Variants in INPP4B observed in about 807,000 individuals in gnomAD.
The protein encoded by INPP4B is inositol polyphosphate-4-phosphatase type II B.
Under a neutral mutation model 122.5 loss-of-function variants are expected in INPP4B, and 55 were observed. The observed-to-expected ratio is 0.45, with a 90% CI of 0.36 to 0.56. The LOEUF (loss-of-function observed/expected upper bound fraction) is 0.56. Among genes scored for constraint, INPP4B ranks in the 20% least tolerant of loss-of-function variants. The probability of loss-of-function intolerance (pLI) is 0.00; values close to 1 mark genes in which losing one functional copy is unlikely to be tolerated. For synonymous variants in INPP4B, 403 were observed against 388.7 expected, an observed-to-expected ratio of 1.04 and a Z score of -0.43; for missense variants, 1,000 against 1,097.7, an observed-to-expected ratio of 0.91 and a Z score of 1.26.
intron 23 of INPP4B, among the ~76,000 whole-genome samples, chr4:142,101,186 C>T (rs1784310299): frequency 1.3e-5 from 2 of 152,074 alleles, no homozygotes; most frequent in South Asian, 2.1e-4. Context: ...AAATTTGTGG[C>T]AGCAATGAAC....
intron 3 of INPP4B, among the ~76,000 whole-genome samples, chr4:142,446,136 TA>T (rs56825479): frequency 0.013 from 1,875 of 146,674 alleles, 36 homozygotes; most frequent in African/African-American, 0.047. Flanking sequence ...ACAAGCAGGA[TA>T]AAAAAAATGT....
chr4:142,617,044 A>T lies in INPP4B; in HGVS notation c.-191+108795T>A, dbSNP rs534787122. Among the ~76,000 whole-genome samples the T allele has an allele frequency of 6.2e-4, 95 of 152,250 alleles. 3 individuals are homozygous for T. In the South Asian group the frequency reaches 0.019, roughly 30 times the overall value. On this transcript the variant is annotated intron_variant, in intron 2 of 25. Coordinates refer to ENST00000262992, the MANE Select transcript of INPP4B (RefSeq NM_001101669.3). ...AAAAGCCCGAACTTCACAGCTACACAATCTATCCTTGTAAGAAAACTATAC... is the reference window on the plus strand; with the variant it reads ...AAAAGCCCGAACTTCACAGCTACACTATCTATCCTTGTAAGAAAACTATAC...
intron 2 of INPP4B, among the ~76,000 whole-genome samples, chr4:142,492,229 C>G (rs898902547): frequency 3.3e-5 from 5 of 152,096 alleles, no homozygotes; most frequent in African/African-American, 1.2e-4. Flanking sequence ...TCAACTAAAC[C>G]TCTTTCCTTT....
At chr4:142,749,326 G>T (rs1769288524) in intron 1 of INPP4B, among the ~76,000 whole-genome samples, 1 of 145,636 alleles carries the variant, frequency 6.9e-6, no homozygotes, top group African/African-American at 2.5e-5. Context: ...ATATATATAT[G>T]GTAAGACAAT....
chr4:142,193,207 A>G lies in INPP4B; in HGVS notation c.1073-12T>C. On this transcript the variant is annotated splice_polypyrimidine_tract_variant and intron_variant, in intron 14 of 25. Transcript: ENST00000262992. ...ATCGTAGAGAGCATCTGGAGTAGAA[A>G]CAGACAAGGAGATGAACACTTTGCA... 6.6e-7 allele frequency: 1 copy of G among 1,518,924 alleles called. No homozygotes were observed. The highest frequency in any genetic ancestry group is 1.1e-5 in the South Asian group (1 of 88,824). The allele number at this position is 1,518,924 out of a possible 1,614,324, so 94.1% of individuals were successfully genotyped here.
rs188955868 is a variant in INPP4B at position 142,678,159 on chromosome 4, A to G, written c.-191+47680T>C. 3.9e-5 allele frequency among the ~76,000 whole-genome samples: 6 copies of G among 152,064 alleles called. No individual in the cohort carries two copies. In the South Asian group the frequency reaches 1.2e-3, roughly 32 times the overall value. On this transcript the variant is annotated intron_variant, in intron 2 of 25. Coordinates refer to ENST00000262992, the MANE Select transcript of INPP4B (RefSeq NM_001101669.3). ...TTATGACATTATTTATTAGAATACT[A>G]TGATGACAGGCTGCCACATTAAACC... is the stretch of plus-strand genomic sequence containing the variant.
chr4:142,594,954 CAA>C (rs70949177), intron 2 of INPP4B, among the ~76,000 whole-genome samples: 2,878 of 57,864 alleles, frequency 0.05, 24 homozygotes, highest in South Asian at 0.068. Context: ...GACTCTGTCT[CAA>C]AAAAAAAAAA....
chr4:142,615,760 G>A (rs1743559789), intron 2 of INPP4B, among the ~76,000 whole-genome samples: 1 of 152,160 alleles, frequency 6.6e-6, no homozygotes, highest in South Asian at 2.1e-4. Flanking sequence ...CCTTGGCCAA[G>A]AAAGTGTGTC....
chr4:142,491,520 G>T (rs1057184128), intron 2 of INPP4B, among the ~76,000 whole-genome samples: 3 of 152,128 alleles, frequency 2.0e-5, no homozygotes, highest in African/African-American at 7.2e-5. Context: ...AGCCAGACAT[G>T]GTGGCACACA....
intron 3 of INPP4B, among the ~76,000 whole-genome samples, chr4:142,446,773 G>A (rs182375980): frequency 4.6e-5 from 7 of 152,230 alleles, no homozygotes; most frequent in Admixed American, 4.6e-4. Flanking sequence ...AGAGAGAGAC[G>A]ATGGCACTTA....
rs1180438066 is a variant in INPP4B at position 142,025,345 on chromosome 4, A to T, written c.*3437T>A. On this transcript the variant is annotated 3_prime_UTR_variant, in exon 26 of 26. Transcript: ENST00000262992. ...AGACTCAAGAGTACTAATAAATAGT[A>T]TAAGGTAGTAAAATAATTGGGAAGT... 6.6e-6 allele frequency: 1 copy of T among 152,232 alleles called. No homozygotes were observed. Among genetic ancestry groups the T allele is most frequent in the East Asian group, 1.9e-4 (1 of 5,200 alleles). The allele number at this position is 152,232 out of a possible 1,614,324, so 9.4% of individuals were successfully genotyped here.
chr4:142,665,692 T>C (rs560410937), intron 2 of INPP4B, among the ~76,000 whole-genome samples: 1 of 152,216 alleles, frequency 6.6e-6, no homozygotes. Flanking sequence ...TGAAAATATT[T>C]TCATAACCTA....
At chr4:142,228,356 A>G (rs188353614) in intron 12 of INPP4B, among the ~76,000 whole-genome samples, 5 of 152,248 alleles carry the variant, frequency 3.3e-5, no homozygotes, top group Admixed American at 2.6e-4. Context: ...ATCTATAGGA[A>G]CAAAACTATA....
At chr4:142,418,329 T>C (rs1806184884) in intron 5 of INPP4B, among the ~76,000 whole-genome samples, 1 of 152,136 alleles carries the variant, frequency 6.6e-6, no homozygotes, top group Admixed American at 6.6e-5. Flanking sequence ...ATTTTATGAA[T>C]AAATGTGTGA....
intron 11 of INPP4B, among the ~76,000 whole-genome samples, chr4:142,257,345 T>C (rs1319137254): frequency 6.6e-6 from 1 of 152,136 alleles, no homozygotes; most frequent in East Asian, 1.9e-4. Context: ...GTGTTGGAAG[T>C]TCTGGCCAGG....
intron 18 of INPP4B, among the ~76,000 whole-genome samples, chr4:142,144,120 A>T (rs920316044): frequency 2.6e-5 from 4 of 151,908 alleles, no homozygotes; most frequent in African/African-American, 9.7e-5. Flanking sequence ...TATTCAAATA[A>T]AAATGATTCA....
At chr4:142,589,838 T>C (rs1214139777) in intron 2 of INPP4B, among the ~76,000 whole-genome samples, 1 of 152,168 alleles carries the variant, frequency 6.6e-6, no homozygotes, top group Non-Finnish European at 1.5e-5. Flanking sequence ...TTATTGCACA[T>C]TTATTTGTAA....
intron 7 of INPP4B, among the ~76,000 whole-genome samples, chr4:142,336,634 G>A (rs945255010): frequency 6.6e-6 from 1 of 152,202 alleles, no homozygotes; most frequent in Admixed American, 6.5e-5. Flanking sequence ...TTGAGTTTTG[G>A]GCATGGCTGT....
chr4:142,376,821 G>C (rs1203780184), intron 7 of INPP4B, among the ~76,000 whole-genome samples: 1 of 152,010 alleles, frequency 6.6e-6, no homozygotes, highest in Admixed American at 6.6e-5. Flanking sequence ...CTCAAATTCA[G>C]TTTCCAGTTG....
Sources: allele counts gnomAD v4.1 joint callset (sites outside exome capture counted in the v4.1 genomes callset), GRCh38; gene constraint gnomAD v4.1.1; transcripts MANE v1.5; gene names NCBI Gene and HGNC (gene_info 2026-07-23, HGNC 2026-07-21).